Variants in GALNT14 observed in about 807,000 individuals in gnomAD.
The protein encoded by GALNT14 is UDP-GalNAc:polypeptide N-acetylgalactosaminyltransferase 14.
A neutral mutation model predicts 77.5 loss-of-function variants in GALNT14; 60 were observed. That is an observed-to-expected ratio of 0.77 (90% confidence interval 0.63 to 0.96). The LOEUF (loss-of-function observed/expected upper bound fraction) is 0.96, where lower values mean the gene tolerates loss of function less well. GALNT14 is among the 40% of genes least tolerant of loss of function. GALNT14 has a pLI of 0.00. For missense variants in GALNT14, 710 were observed against 731.0 expected, an observed-to-expected ratio of 0.97 and a Z score of 0.33; for synonymous variants, 280 against 281.7, an observed-to-expected ratio of 0.99 and a Z score of 0.06.
chr2:30,957,723 T>C (rs550631117), intron 4 of GALNT14, among the ~76,000 whole-genome samples: 22 of 152,284 alleles, frequency 1.4e-4, no homozygotes, highest in Middle Eastern at 3.4e-3. Context: ...TCCACTCTGA[T>C]AGGACCTGGA....
At chr2:31,116,338 C>T (rs1678106986) in intron 1 of GALNT14, among the ~76,000 whole-genome samples, 1 of 151,972 alleles carries the variant, frequency 6.6e-6, no homozygotes, top group African/African-American at 2.4e-5. Context: ...TATTAAAATA[C>T]AAACATTATC....
intron 11 of GALNT14, 148 bp downstream of exon 11, chr2:30,929,247 C>T: frequency 1.7e-6 from 1 of 605,316 alleles, no homozygotes; most frequent in Non-Finnish European, 2.9e-6. Flanking sequence ...GGCAGGAGCT[C>T]TGAGGAATAG....
At chr2:31,012,452 TTC>T (rs1281369531) in intron 1 of GALNT14, among the ~76,000 whole-genome samples, 1 of 152,206 alleles carries the variant, frequency 6.6e-6, no homozygotes, top group East Asian at 1.9e-4. Flanking sequence ...AGTGTGGCTT[TTC>T]TCTCTGAGAG....
chr2:31,047,603 A>G (rs1333709211), intron 1 of GALNT14, among the ~76,000 whole-genome samples: 1 of 152,186 alleles, frequency 6.6e-6, no homozygotes, highest in Non-Finnish European at 1.5e-5. Flanking sequence ...CCAGACCCAA[A>G]GTCATGAGAC....
chr2:31,119,153 G>A (rs1678260433), intron 1 of GALNT14, among the ~76,000 whole-genome samples: 1 of 151,986 alleles, frequency 6.6e-6, no homozygotes, highest in Non-Finnish European at 1.5e-5. Flanking sequence ...TACAATCTAG[G>A]ACTTACGATG....
chr2:31,127,589 C>T (rs1295013177), intron 1 of GALNT14, among the ~76,000 whole-genome samples: 1 of 152,192 alleles, frequency 6.6e-6, no homozygotes, highest in Non-Finnish European at 1.5e-5. Context: ...AAAAGTTTGC[C>T]TGCTCTAATT....
intron 2 of GALNT14, among the ~76,000 whole-genome samples, chr2:30,979,823 GTC>G (rs1348740705): frequency 6.6e-6 from 1 of 151,986 alleles, no homozygotes; most frequent in African/African-American, 2.4e-5. Context: ...CGGCTCAGAG[GTC>G]TCCCTCCCAC....
chr2:31,013,387 C>T (rs898499283), intron 1 of GALNT14, among the ~76,000 whole-genome samples: 1 of 152,144 alleles, frequency 6.6e-6, no homozygotes, highest in East Asian at 1.9e-4. Context: ...GTTTAGGTAT[C>T]GAACTTCCAA....
At chr2:30,907,896 C>T (rs1664186497), downstream of GALNT14, among the ~76,000 whole-genome samples, 2 of 122,430 alleles carry the variant, frequency 1.6e-5, no homozygotes, top group South Asian at 3.1e-4. Context: ...GGATGCAAGG[C>T]TGGTTCAATA....
intron 1 of GALNT14, among the ~76,000 whole-genome samples, chr2:31,115,812 A>C (rs1167027965): frequency 6.6e-6 from 1 of 152,190 alleles, no homozygotes; most frequent in Non-Finnish European, 1.5e-5. Flanking sequence ...AGGCAGGAGG[A>C]TCACTCTAGG....
intron 3 of GALNT14, among the ~76,000 whole-genome samples, chr2:30,964,321 C>A (rs1357302195): frequency 1.3e-5 from 2 of 152,226 alleles, no homozygotes; most frequent in African/African-American, 4.8e-5. Context: ...AACGGCAGGG[C>A]TGTGGTCTGG....
At chr2:30,913,519 C>A (rs1318659153) in intron 13 of GALNT14, among the ~76,000 whole-genome samples, 1 of 152,166 alleles carries the variant, frequency 6.6e-6, no homozygotes, top group African/African-American at 2.4e-5. Flanking sequence ...CCTCTCCTGA[C>A]CTCCATGGGC....
At chr2:30,942,147 A>G in intron 9 of GALNT14, 54 bp downstream of exon 9, 4 of 1,327,444 alleles carry the variant, frequency 3.0e-6, no homozygotes, top group Non-Finnish European at 4.3e-6. Flanking sequence ...TCCCCGCCCC[A>G]ATCCCCAGGG....
chr2:31,119,931 C>A lies in GALNT14; in HGVS notation c.129+18027G>T, dbSNP rs957896884. ...CAGCACTTTGGGAGGCCGAGGCGGGCGGATCACGAGGTCAGGAGATCGAGA... is the reference window on the plus strand; with the variant it reads ...CAGCACTTTGGGAGGCCGAGGCGGGAGGATCACGAGGTCAGGAGATCGAGA... On this transcript the variant is annotated intron_variant, in intron 1 of 14. Transcript: ENST00000349752. Among the ~76,000 whole-genome samples, 11 of 74,944 alleles carry A rather than the reference C, an allele frequency of 1.5e-4. 2 individuals are homozygous for A. The highest frequency in any genetic ancestry group is 4.3e-4 in the Non-Finnish European group (11 of 25,826). 49.2% of individuals were successfully genotyped at this position (74,944 alleles called of 152,430 possible). A position where few individuals can be genotyped will look rare whatever the true frequency, so the allele number is the denominator to read the frequency against.
intron 9 of GALNT14, among the ~76,000 whole-genome samples, chr2:30,941,349 T>C (rs1465474181): frequency 6.6e-6 from 1 of 152,194 alleles, no homozygotes; most frequent in Non-Finnish European, 1.5e-5. Flanking sequence ...CTCGTGCAGC[T>C]TCTATCCTAG....
chr2:30,983,590 GT>G (rs1283755706), intron 2 of GALNT14, among the ~76,000 whole-genome samples: 3 of 152,160 alleles, frequency 2.0e-5, no homozygotes, highest in African/African-American at 7.2e-5. Context: ...TTCTTCTTGG[GT>G]TACCTGCCCA....
chr2:31,087,336 G>A (rs1676480584), intron 1 of GALNT14, among the ~76,000 whole-genome samples: 1 of 152,214 alleles, frequency 6.6e-6, no homozygotes, highest in South Asian at 2.1e-4. Flanking sequence ...TGTTGACACA[G>A]CTGAATATAA....
intron 1 of GALNT14, among the ~76,000 whole-genome samples, chr2:31,137,454 G>C (rs1260729214): frequency 1.3e-5 from 2 of 152,200 alleles, no homozygotes; most frequent in Admixed American, 6.5e-5. Context: ...AGGGGTGGCA[G>C]CCGCCCGGGA....
intron 1 of GALNT14, among the ~76,000 whole-genome samples, chr2:31,062,033 G>C (rs1674625497): frequency 6.6e-6 from 1 of 152,120 alleles, no homozygotes; most frequent in African/African-American, 2.4e-5. Context: ...TGTTGTTTTT[G>C]GAATCAAGTC....
Sources: allele counts gnomAD v4.1 joint callset (sites outside exome capture counted in the v4.1 genomes callset), GRCh38; gene constraint gnomAD v4.1.1; transcripts MANE v1.5; gene names NCBI Gene and HGNC (gene_info 2026-07-23, HGNC 2026-07-21).